Variants in CCSER1 observed in about 807,000 individuals in gnomAD.
CCSER1 encodes the protein coiled-coil serine rich protein 1.
CCSER1 carries 41 observed loss-of-function variants against 82.0 expected under a neutral mutation model. The ratio of observed to expected loss-of-function variants is 0.50; its 90% confidence interval spans 0.39 to 0.65. The LOEUF (loss-of-function observed/expected upper bound fraction) is 0.65. Among genes scored for constraint, CCSER1 ranks in the 30% least tolerant of loss-of-function variants. The pLI is 0.00. For missense variants in CCSER1, 1,119 were observed against 1,064.2 expected (o/e 1.05, Z -0.72); for synonymous variants, 414 against 383.9 (o/e 1.08, Z -0.92).
At chr4:91,330,185 A>G (rs774036077) in intron 10 of CCSER1, among the ~76,000 whole-genome samples, 3 of 152,158 alleles carry the variant, frequency 2.0e-5, no homozygotes, top group Non-Finnish European at 4.4e-5. Flanking sequence ...AGAGCTAAGA[A>G]TTTTATAATT....
chr4:90,822,770 TTCAAATG>T (rs1190690730), intron 8 of CCSER1, among the ~76,000 whole-genome samples: 1 of 148,582 alleles, frequency 6.7e-6, no homozygotes, highest in Non-Finnish European at 1.5e-5. Context: ...AAAAGTCCAA[TTCAAATG>T]GGTCACCGGA....
intron 10 of CCSER1, among the ~76,000 whole-genome samples, chr4:91,197,719 T>A (rs898050848): frequency 3.9e-5 from 6 of 152,170 alleles, no homozygotes; most frequent in African/African-American, 1.4e-4. Flanking sequence ...ATATTCTATT[T>A]CTATTGGACA....
chr4:90,260,735 G>T (rs1224683363), intron 1 of CCSER1, among the ~76,000 whole-genome samples: 1 of 152,178 alleles, frequency 6.6e-6, no homozygotes, highest in Non-Finnish European at 1.5e-5. Flanking sequence ...GATTTATTAA[G>T]ACAGAGTTTC....
chr4:91,040,697 CA>C (rs1741887730), intron 9 of CCSER1, among the ~76,000 whole-genome samples: 1 of 152,094 alleles, frequency 6.6e-6, no homozygotes, highest in Admixed American at 6.6e-5. Flanking sequence ...GATTTTCAAA[CA>C]GGAAACCAAA....
intron 5 of CCSER1, among the ~76,000 whole-genome samples, chr4:90,612,019 C>T (rs1437487468): frequency 1.3e-5 from 2 of 151,562 alleles, no homozygotes; most frequent in African/African-American, 4.8e-5. Flanking sequence ...CTTATTTTCA[C>T]TTTGATTTTC....
intron 10 of CCSER1, among the ~76,000 whole-genome samples, chr4:91,566,733 C>T (rs1762900043): frequency 6.6e-6 from 1 of 151,644 alleles, no homozygotes; most frequent in Non-Finnish European, 1.5e-5. Flanking sequence ...TCAGTTGTAA[C>T]ATTTTCTTTA....
chr4:90,263,026 G>A (rs1003543918), intron 1 of CCSER1, among the ~76,000 whole-genome samples: 8 of 152,128 alleles, frequency 5.3e-5, no homozygotes, highest in African/African-American at 1.9e-4. Context: ...AGAAACAAGG[G>A]CCCCTTCTCC....
intron 10 of CCSER1, among the ~76,000 whole-genome samples, chr4:91,188,068 T>G (rs1734713371): frequency 1.3e-5 from 2 of 151,948 alleles, no homozygotes; most frequent in Admixed American, 1.3e-4. Context: ...AGCTAAGCTT[T>G]AAAAAGGAAC....
At chr4:90,342,167 A>G (rs1177120822) in intron 3 of CCSER1, among the ~76,000 whole-genome samples, 1 of 152,222 alleles carries the variant, frequency 6.6e-6, no homozygotes, top group Admixed American at 6.5e-5. Flanking sequence ...CGAGGGATAT[A>G]CAAAGAGAGA....
intron 6 of CCSER1, among the ~76,000 whole-genome samples, chr4:90,649,789 A>G (rs1207984896): frequency 6.6e-6 from 1 of 152,174 alleles, no homozygotes; most frequent in Non-Finnish European, 1.5e-5. Context: ...TACATTTCCA[A>G]AGAAAGTATA....
rs536026782 is a variant in CCSER1 at position 90,139,039 on chromosome 4, T to G, written c.-42+11208T>G. On this transcript the variant is annotated intron_variant, in intron 1 of 10. Coordinates refer to ENST00000509176, the MANE Select transcript of CCSER1 (RefSeq NM_001145065.2). ...TTGTTGAGAACAGAAGTTGGTAGACTTTTTTTTTGTTTGTCTGTTTCTTCT... is the reference window on the plus strand; with the variant it reads ...TTGTTGAGAACAGAAGTTGGTAGACGTTTTTTTTGTTTGTCTGTTTCTTCT... 5.9e-5 allele frequency among the ~76,000 whole-genome samples: 9 copies of G among 151,702 alleles called. No homozygotes were observed. The South Asian group carries it at 1.7e-3, about 28-fold the overall frequency.
intron 10 of CCSER1, among the ~76,000 whole-genome samples, chr4:91,396,366 C>CA (rs1751979859): frequency 6.6e-6 from 1 of 152,066 alleles, no homozygotes; most frequent in Non-Finnish European, 1.5e-5. Context: ...GATGATATCT[C>CA]AAATGTTCAA....
At chr4:90,965,663 A>G (rs1417651986) in intron 9 of CCSER1, among the ~76,000 whole-genome samples, 1 of 152,128 alleles carries the variant, frequency 6.6e-6, no homozygotes, top group East Asian at 1.9e-4. Flanking sequence ...TGACACCAAA[A>G]TCAATGAACT....
At chr4:91,204,230 A>T (rs1736155684) in intron 10 of CCSER1, among the ~76,000 whole-genome samples, 1 of 151,882 alleles carries the variant, frequency 6.6e-6, no homozygotes. Flanking sequence ...TGCTACAATA[A>T]CAATAGAAGG....
intron 10 of CCSER1, among the ~76,000 whole-genome samples, chr4:91,329,657 C>T (rs553908921): frequency 3.9e-5 from 6 of 152,286 alleles, no homozygotes; most frequent in African/African-American, 1.4e-4. Context: ...TGTGTCTTCA[C>T]ATGGCAGTGT....
intron 7 of CCSER1, among the ~76,000 whole-genome samples, chr4:90,745,096 G>C (rs1376171463): frequency 6.6e-6 from 1 of 152,062 alleles, no homozygotes; most frequent in Non-Finnish European, 1.5e-5. Context: ...GAAGTCAGAA[G>C]TCAGCAATGG....
chr4:90,674,113 AG>A (rs1733336187), intron 6 of CCSER1, among the ~76,000 whole-genome samples: 1 of 152,022 alleles, frequency 6.6e-6, no homozygotes, highest in Admixed American at 6.6e-5. Context: ...AGCTTTGTAA[AG>A]GATTTATATA....
At chr4:91,226,200 G>A (rs1038663414) in intron 10 of CCSER1, among the ~76,000 whole-genome samples, 1 of 151,792 alleles carries the variant, frequency 6.6e-6, no homozygotes, top group African/African-American at 2.4e-5. Context: ...GACAATGAAA[G>A]ATATATTAAA....
intron 4 of CCSER1, among the ~76,000 whole-genome samples, chr4:90,413,880 T>C (rs57498009): frequency 0.05 from 6,292 of 124,816 alleles, 274 homozygotes; most frequent in African/African-American, 0.12. Flanking sequence ...ACCCGGGAGG[T>C]GGAGCTTGCA....
Sources: allele counts gnomAD v4.1 joint callset (sites outside exome capture counted in the v4.1 genomes callset), GRCh38; gene constraint gnomAD v4.1.1; transcripts MANE v1.5; gene names NCBI Gene and HGNC (gene_info 2026-07-23, HGNC 2026-07-21).